ZNF469: variants seen among roughly 807,000 people sequenced by gnomAD.
The protein encoded by ZNF469 is zinc finger protein 469.
Under a neutral mutation model 1.0 loss-of-function variants are expected in ZNF469, and 1 was observed. That is an observed-to-expected ratio of 1.00 (90% CI 0.35 to 4.73). The LOEUF is 4.73. ZNF469 is among the 30% of genes most tolerant of loss of function. The pLI is 0.16. For synonymous variants in ZNF469, 2,703 were observed against 2,363.4 expected (o/e 1.14, Z -4.17); for missense variants, 6,100 against 5,356.3 (o/e 1.14, Z -4.33).
chr16:88,271,439 G>A, the ZNF469 span, among the ~76,000 whole-genome samples: 6 of 137,226 alleles, frequency 4.4e-5, 2 homozygotes, highest in Non-Finnish European at 1.0e-4. Context: ...GTGGGGAGCC[G>A]TGTGAGTTCA....
At chr16:88,304,744 A>C in the ZNF469 span, among the ~76,000 whole-genome samples, 1 of 152,214 alleles carries the variant, frequency 6.6e-6, no homozygotes, top group Non-Finnish European at 1.5e-5. Context: ...TGGATGTTGC[A>C]AAATCAGATT....
the ZNF469 span, among the ~76,000 whole-genome samples, chr16:88,162,575 G>C: frequency 1.3e-5 from 2 of 152,120 alleles, no homozygotes; most frequent in African/African-American, 2.4e-5. Flanking sequence ...AAATAGAACT[G>C]TTTTATAAGT....
the ZNF469 span, among the ~76,000 whole-genome samples, chr16:88,270,737 A>C: frequency 3.4e-4 from 52 of 152,240 alleles, no homozygotes; most frequent in African/African-American, 1.1e-3. Context: ...CCTGCTTCTC[A>C]TTCCTCCTCT....
chr16:88,402,691 G>C (rs541718559), intron 1 of ZNF469, among the ~76,000 whole-genome samples: 52 of 152,336 alleles, frequency 3.4e-4, no homozygotes, highest in South Asian at 4.1e-4. Flanking sequence ...TGCCAGGCCA[G>C]CCCTGCCAGG....
chr16:88,159,214 A>T, the ZNF469 span, among the ~76,000 whole-genome samples: 1 of 10,548 alleles, frequency 9.5e-5, no homozygotes. Flanking sequence ...CGTGCGGACC[A>T]CTCTCACCGT....
chr16:88,342,216 G>C, the ZNF469 span, among the ~76,000 whole-genome samples: 3 of 152,262 alleles, frequency 2.0e-5, no homozygotes, highest in South Asian at 6.2e-4. Context: ...CTGCTGGGAA[G>C]GTGACTCGAG....
At chr16:88,140,073 T>A in the ZNF469 span, among the ~76,000 whole-genome samples, 1 of 152,136 alleles carries the variant, frequency 6.6e-6, no homozygotes, top group African/African-American at 2.4e-5. Flanking sequence ...AGGGAATAAT[T>A]GAACAGCAGG....
At chr16:88,392,020 A>G (rs1377781476) in intron 1 of ZNF469, among the ~76,000 whole-genome samples, 2 of 152,250 alleles carry the variant, frequency 1.3e-5, no homozygotes, top group Admixed American at 6.5e-5. Flanking sequence ...TATATCACAT[A>G]ACATCATACA....
chr16:88,165,363 G>A, the ZNF469 span, among the ~76,000 whole-genome samples: 1 of 152,208 alleles, frequency 6.6e-6, no homozygotes, highest in Non-Finnish European at 1.5e-5. Flanking sequence ...TGGTGTCCCC[G>A]ATGGCTGTGA....
chr16:88,382,854 G>C (rs1474953036), upstream of ZNF469, among the ~76,000 whole-genome samples: 1 of 151,496 alleles, frequency 6.6e-6, no homozygotes, highest in African/African-American at 2.4e-5. Flanking sequence ...GCCGGGGTGG[G>C]TCCCATGAAA....
the ZNF469 span, among the ~76,000 whole-genome samples, chr16:88,124,627 C>T: frequency 6.6e-6 from 1 of 151,994 alleles, no homozygotes. Context: ...TCTTGTTGCC[C>T]AGGCTGGAGT....
the ZNF469 span, among the ~76,000 whole-genome samples, chr16:88,185,486 A>G: frequency 6.6e-6 from 1 of 151,706 alleles, no homozygotes; most frequent in Non-Finnish European, 1.5e-5. Flanking sequence ...TTGCACACTC[A>G]CATGACTATA....
the ZNF469 span, among the ~76,000 whole-genome samples, chr16:88,309,618 C>T: frequency 6.9e-6 from 1 of 143,992 alleles, no homozygotes; most frequent in East Asian, 2.0e-4. Flanking sequence ...CTCTGAGGTC[C>T]CCTGTCAGTG....
the ZNF469 span, among the ~76,000 whole-genome samples, chr16:88,321,076 C>A: frequency 6.6e-6 from 1 of 152,260 alleles, no homozygotes; most frequent in South Asian, 2.1e-4. Flanking sequence ...CTCAGCCAGT[C>A]GGTCCCAGGT....
intron 1 of ZNF469, among the ~76,000 whole-genome samples, chr16:88,411,478 AGGC>A: frequency 4.4e-4 from 2 of 4,510 alleles, no homozygotes; most frequent in African/African-American, 7.2e-4. Context: ...GGGTGCAAGC[AGGC>A]AGGGGTGCGA....
At chr16:88,302,945 G>T in the ZNF469 span, among the ~76,000 whole-genome samples, 1 of 152,210 alleles carries the variant, frequency 6.6e-6, no homozygotes, top group East Asian at 1.9e-4. Flanking sequence ...AAACAGATGT[G>T]TGGGAAGGGC....
At chr16:88,218,050 T>G in the ZNF469 span, among the ~76,000 whole-genome samples, 1 of 141,562 alleles carries the variant, frequency 7.1e-6, no homozygotes, top group Non-Finnish European at 1.5e-5. Flanking sequence ...TAGTTTACAG[T>G]CCCACCAACA....
At chr16:88,205,148 C>T in the ZNF469 span, among the ~76,000 whole-genome samples, 1 of 152,156 alleles carries the variant, frequency 6.6e-6, no homozygotes, top group South Asian at 2.1e-4. This position sits in a 1 kb window ranked among gnomAD's most constrained non-coding sequence, Gnocchi z 4.2. Flanking sequence ...AAGCCCTCTG[C>T]CACAGGAATC....
At chr16:88,259,633 C>T in the ZNF469 span, among the ~76,000 whole-genome samples, 1 of 152,200 alleles carries the variant, frequency 6.6e-6, no homozygotes, top group Non-Finnish European at 1.5e-5. The surrounding 1 kb of genome is among the most constrained non-coding windows in gnomAD (Gnocchi z 4.1). Context: ...CCCAGCCTGA[C>T]AGCCACCCCC....
Sources: allele counts gnomAD v4.1 joint callset (sites outside exome capture counted in the v4.1 genomes callset), GRCh38; gene constraint gnomAD v4.1.1; non-coding constraint Gnocchi (gnomAD v3.1); transcripts MANE v1.5; gene names NCBI Gene and HGNC (gene_info 2026-07-23, HGNC 2026-07-21).